Variants in POMT1 observed in about 807,000 individuals in gnomAD.
POMT1 encodes protein O-mannosyltransferase 1.
In POMT1, 85 loss-of-function variants were observed where a neutral mutation model predicts 101.6. That is an observed-to-expected ratio of 0.84 (90% confidence interval 0.70 to 1.00). POMT1 has a LOEUF of 1.00. Ranked by LOEUF, POMT1 falls within the 50% of genes least tolerant of loss-of-function variation. The pLI, the probability that POMT1 is intolerant of heterozygous loss-of-function variation, is 0.00. For missense variants in POMT1, 857 were observed against 930.4 expected (o/e 0.92, Z 1.03); for synonymous variants, 371 against 383.0 (o/e 0.97, Z 0.37).
chr9:131,504,201 A>T lies in POMT1; in HGVS notation c.-18A>T. The T allele has an allele frequency of 6.2e-7, 1 of 1,613,990 alleles. No homozygotes were observed. The highest frequency in any genetic ancestry group is 8.5e-7 in the Non-Finnish European group (1 of 1,179,958). On this transcript the variant is annotated 5_prime_UTR_variant, in exon 2 of 20. Coordinates refer to ENST00000402686, the MANE Select transcript of POMT1 (RefSeq NM_001077365.2). ...CCTTCTTTTCTAGGGCGTCTGCCTG[A>T]GCCCGCTTTTCTACAAGATGTGGGG...
At chr9:131,517,282 G>A (rs1239427681) in intron 13 of POMT1, among the ~76,000 whole-genome samples, 2 of 150,940 alleles carry the variant, frequency 1.3e-5, no homozygotes, top group East Asian at 3.9e-4. Flanking sequence ...CCAGGCTGAA[G>A]TGCAGTGGCG....
intron 13 of POMT1, among the ~76,000 whole-genome samples, chr9:131,516,172 G>A (rs1168800744): frequency 3.4e-5 from 3 of 89,046 alleles, no homozygotes; most frequent in South Asian, 5.0e-4. Flanking sequence ...ACACTCACAC[G>A]GAGCACTTCC....
rs1405681865 is a variant in POMT1, at chr9:131,523,003, A to G, written c.2075A>G (p.Asn692Ser). 6.2e-7 allele frequency: 1 copy of G among 1,609,150 alleles called. No homozygotes were observed. Among genetic ancestry groups the G allele is most frequent in the Non-Finnish European group, 8.5e-7 (1 of 1,179,300 alleles). Residue 692 changes from asparagine (N) to serine (S), a missense_variant, in exon 20 of 20, where the codon AAC (asparagine) becomes AGC (serine). Transcript: ENST00000402686. Reference sequence around the variant, plus strand: ...TACTCCTCCGCGTGCCACGTGTCCAACACGCTGCGCCCACTCACCTACGGG... The same window carrying G: ...TACTCCTCCGCGTGCCACGTGTCCAGCACGCTGCGCCCACTCACCTACGGG... ...AWYSSACHVS[N>S]TLRPLTYGDK...
At chr9:131,509,275 C>T (rs545642782) in intron 6 of POMT1, among the ~76,000 whole-genome samples, 5 of 152,214 alleles carry the variant, frequency 3.3e-5, no homozygotes, top group East Asian at 1.9e-4. Context: ...CTCAGTCTCC[C>T]GAGTAGCTGA....
chr9:131,507,388 G>A lies in POMT1; in HGVS notation c.301G>A (p.Val101Met), dbSNP rs199552424. ...TCCAGAATACAGTAGCAACGTGCCT[G>A]TGTGGTCCCTGCGCCTGCTGCCAGC... ...IGAEYSSNVP[V>M]WSLRLLPALA... is the part of the protein sequence containing the mutation. The change falls in exon 5 of 20, where the codon GTG becomes ATG. Residue 101 changes from valine to methionine, a missense_variant. Val to Met is a conservative substitution (Grantham distance 21). Coordinates refer to ENST00000402686, the MANE Select transcript of POMT1 (RefSeq NM_001077365.2). The A allele has an allele frequency of 6.2e-7, 1 of 1,614,212 alleles. No homozygotes were observed.
In POMT1 at chr9:131,519,435, G is replaced by A. The variant is rs1210980684; in HGVS notation, c.1533G>A (p.Gln511=). 6.4e-7 allele frequency: 1 copy of A among 1,551,864 alleles called. No homozygotes were observed. The highest frequency in any genetic ancestry group is 2.0e-5 in the Admixed American group (1 of 51,024). ...ERERELHSPA[Q]VDVSRNLSFM... ...AACGGGAGCTGCACTCACCTGCGCA[G>A]GTGGACGTCAGCAGGAACCTCAGCT... The change falls in exon 16 of 20, where the codon CAG becomes CAA. Residue 511 remains glutamine, a synonymous_variant. Transcript: ENST00000402686. The surrounding 1 kb of genome is among the most constrained non-coding windows in gnomAD (Gnocchi z 4.3).
Position 131,509,982 on chromosome 9 carries a change from C to T in POMT1, c.685C>T (p.Gln229Ter), listed in dbSNP as rs770448152. 6.2e-7 allele frequency: 1 copy of T among 1,614,206 alleles called. No individual in the cohort carries two copies. The highest frequency in any genetic ancestry group is 2.2e-5 in the East Asian group (1 of 44,872). Reference sequence around the variant, plus strand: ...CCATGCCTGGCACCTGCTTGGAGACCAGACTTTGTCCAATGTAGGTGCTGA... The same window carrying T: ...CCATGCCTGGCACCTGCTTGGAGACTAGACTTTGTCCAATGTAGGTGCTGA... ...AVHAWHLLGDQTLSNVCVFCH... is the reference protein window; with the variant it reads ...AVHAWHLLGD The change falls in exon 8 of 20, where the codon CAG (glutamine) becomes TAG (stop). Residue 229 changes from glutamine (Q) to a stop codon, truncating the protein, a stop_gained. Coordinates refer to ENST00000402686, the MANE Select transcript of POMT1 (RefSeq NM_001077365.2). LOFTEE classifies it high-confidence loss of function.
rs370755294 is a variant in POMT1, at chr9:131,506,412, G to C, written c.239G>C (p.Gly80Ala). Residue 80 changes from glycine to alanine, a missense_variant, in exon 4 of 20, where the codon GGA becomes GCA. Coordinates refer to ENST00000402686, the MANE Select transcript of POMT1 (RefSeq NM_001077365.2). ...TAATCTTCTGTTTCAGGTTATTTAG[G>C]AGGATTCGATGGCAATTTTTTGTGG... Reference protein sequence around the residue: ...HMVLALGGYLGGFDGNFLWNR... With the variant: ...HMVLALGGYLAGFDGNFLWNR... The C allele has an allele frequency of 6.2e-7, 1 of 1,612,980 alleles. No homozygotes were observed. Among genetic ancestry groups the C allele is most frequent in the Non-Finnish European group, 8.5e-7 (1 of 1,179,086 alleles).
chr9:131,523,356 G>T lies in POMT1; in HGVS notation c.*250G>T, dbSNP rs1045220002. 1.9e-6 allele frequency: 1 copy of T among 524,936 alleles called. No homozygotes were observed. Among genetic ancestry groups the T allele is most frequent in the East Asian group, 3.6e-5 (1 of 27,962 alleles). 32.5% of individuals were successfully genotyped at this position (524,936 alleles called of 1,614,324 possible). ...TTACCCCTGAACTAAGACACAGGGA[G>T]TATTTCAGAGGCCAGCGTAGGAGTC... On this transcript the variant is annotated 3_prime_UTR_variant, in exon 20 of 20. Transcript: ENST00000402686.
At chr9:131,516,014 A>ACACTTCCTCACACAGAG in intron 13 of POMT1, among the ~76,000 whole-genome samples, 1 of 8,222 alleles carries the variant, frequency 1.2e-4, no homozygotes, top group African/African-American at 2.2e-4. Context: ...CTAACACAGG[A>ACACTTCCTCACACAGAG]CACTTCCTCA....
chr9:131,520,263 AG>A, intron 17 of POMT1, 70 bp downstream of exon 17: 2 of 1,275,460 alleles, frequency 1.6e-6, no homozygotes, highest in South Asian at 1.2e-5. Context: ...TTGCATTAAG[AG>A]CAGCCGCTGC....
At chr9:131,508,761 G>C in intron 5 of POMT1, 150 bp from the exon 6 acceptor site, 1 of 674,952 alleles carries the variant, frequency 1.5e-6, no homozygotes, top group Non-Finnish European at 2.7e-6. Flanking sequence ...ACTGTATGAG[G>C]CCTTGTGTCT....
intron 13 of POMT1, among the ~76,000 whole-genome samples, chr9:131,516,194 A>AG (rs1948523231): frequency 7.3e-6 from 1 of 136,074 alleles, no homozygotes. Context: ...CTAACACAGG[A>AG]CACTTCCTCA....
Position 131,508,963 on chromosome 9 carries a change from AT to A in POMT1, c.485del (p.Phe162SerfsTer10), listed in dbSNP as rs1250351189. On this transcript the variant is annotated frameshift_variant, in exon 6 of 20. Transcript: ENST00000402686. LOFTEE classifies it high-confidence loss of function. ...TAATGCTTTTGGAATCAGTGTTAATATTTTTCAATCTATTGGCCGTGTTGTC... is the reference window on the plus strand; with the variant it reads ...TAATGCTTTTGGAATCAGTGTTAATATTTTCAATCTATTGGCCGTGTTGTC... ...RLMLLESVLI[F>X]FNLLAVLSYL... 65 of 1,613,914 alleles carry A rather than the reference AT, an allele frequency of 4.0e-5. No individual in the cohort carries two copies. The highest frequency in any genetic ancestry group is 5.2e-5 in the Non-Finnish European group (61 of 1,179,954).
In POMT1 at chr9:131,523,174, C is replaced by T. The variant is rs773474667; in HGVS notation, c.*68C>T. On this transcript the variant is annotated 3_prime_UTR_variant, in exon 20 of 20. Coordinates refer to ENST00000402686, the MANE Select transcript of POMT1 (RefSeq NM_001077365.2). ...AGGTTGAAGGGTCTTGGTCAATGTACGTAATGAGCAGGGTGGGCCCCACGC... is the reference window on the plus strand; with the variant it reads ...AGGTTGAAGGGTCTTGGTCAATGTATGTAATGAGCAGGGTGGGCCCCACGC... 34 of 1,560,486 alleles carry T rather than the reference C, an allele frequency of 2.2e-5. No homozygotes were observed. The East Asian group carries it at 2.5e-4, about 11-fold the overall frequency.
At chr9:131,506,732 G>A (rs867716073) in intron 4 of POMT1, 4 of 457,048 alleles carry the variant, frequency 8.8e-6, no homozygotes, top group African/African-American at 4.0e-5. Flanking sequence ...GTGATGATCG[G>A]TTGTACATGT....
chr9:131,508,987 G>T lies in POMT1; in HGVS notation c.504G>T (p.Leu168Phe), dbSNP rs76659214. 1 of 1,613,748 alleles carries T rather than the reference G, an allele frequency of 6.2e-7. No homozygotes were observed. The highest frequency in any genetic ancestry group is 8.5e-7 in the Non-Finnish European group (1 of 1,179,660). ...TATTTTTCAATCTATTGGCCGTGTTGTCCTACCTGAAGTTCTTCAACTGCC... is the reference window on the plus strand; with the variant it reads ...TATTTTTCAATCTATTGGCCGTGTTTTCCTACCTGAAGTTCTTCAACTGCC... ...VLIFFNLLAV[L>F]SYLKFFNCQK... is the part of the protein sequence containing the mutation. The change falls in exon 6 of 20, where the codon TTG becomes TTT. Residue 168 changes from leucine to phenylalanine, a missense_variant. Coordinates refer to ENST00000402686, the MANE Select transcript of POMT1 (RefSeq NM_001077365.2).
At chr9:131,516,381 A>ACACCTCCTCACACGGAG (rs1564370528) in intron 13 of POMT1, among the ~76,000 whole-genome samples, 2 of 140,168 alleles carry the variant, frequency 1.4e-5, no homozygotes, top group Admixed American at 1.4e-4. Flanking sequence ...CTCTAACAGA[A>ACACCTCCTCACACGGAG]CACTTCCTCA....
At chr9:131,521,612 G>A (rs1949929230) in intron 18 of POMT1, 140 bp downstream of exon 18, 3 of 1,077,720 alleles carry the variant, frequency 2.8e-6, no homozygotes, top group Admixed American at 2.0e-5. Context: ...TTACAGGTGT[G>A]CGCTGAGCAT....
Sources: gnomAD v4.1 joint callset for allele counts (sites outside exome capture counted in the v4.1 genomes callset) on GRCh38, gnomAD v4.1.1 for gene constraint, Gnocchi (gnomAD v3.1) non-coding constraint, MANE v1.5 for transcripts, NCBI Gene and HGNC (gene_info 2026-07-23, HGNC 2026-07-21) for gene names.